The following WWOX variants were observed in gnomAD, a reference collection of about 807,000 sequenced individuals.
The protein encoded by WWOX is WW domain-containing oxidoreductase.
WWOX carries 69 observed loss-of-function variants against 46.2 expected under a neutral mutation model. The ratio of observed to expected loss-of-function variants is 1.49; its 90% CI spans 1.23 to 1.82. WWOX has a LOEUF of 1.82. WWOX is among the 40% of genes most tolerant of loss of function. The probability of loss-of-function intolerance (pLI) is 0.00; values close to 1 mark genes in which losing one functional copy is unlikely to be tolerated. For missense variants in WWOX, 919 were observed against 542.6 expected, an observed-to-expected ratio of 1.69 and a Z score of -6.89; for synonymous variants, 359 against 202.6, an observed-to-expected ratio of 1.77 and a Z score of -6.56.
chr16:78,979,135 C>T (rs4888001), intron 8 of WWOX, among the ~76,000 whole-genome samples: 32,095 of 148,592 alleles, frequency 0.22, 3,537 homozygotes, highest in East Asian at 0.33. Flanking sequence ...ATTTTCCTCT[C>T]GAATATCACT....
chr16:78,942,956 A>T (rs9921744), intron 8 of WWOX, among the ~76,000 whole-genome samples: 33,151 of 152,098 alleles, frequency 0.22, 5,710 homozygotes, highest in African/African-American at 0.48. Context: ...TTTGCAAGTA[A>T]ATAATGCAGC....
chr16:78,771,773 CAATAAATAAATAAATA>C (rs60862470), intron 8 of WWOX, among the ~76,000 whole-genome samples: 49 of 144,484 alleles, frequency 3.4e-4, no homozygotes, highest in African/African-American at 5.4e-4. Context: ...CTCTGTCTCA[CAATAAATAAATAAATA>C]AATAAATAAA....
At chr16:78,847,526 G>A (rs1275073898) in intron 8 of WWOX, among the ~76,000 whole-genome samples, 1 of 151,836 alleles carries the variant, frequency 6.6e-6, no homozygotes, top group Admixed American at 6.6e-5. Context: ...GGAGAGCAGG[G>A]TCTTGCTATG....
chr16:79,202,095 G>A (rs563378245), intron 8 of WWOX, among the ~76,000 whole-genome samples: 12 of 152,204 alleles, frequency 7.9e-5, no homozygotes, highest in Middle Eastern at 3.4e-3. Flanking sequence ...ATACAGACAC[G>A]TTCATTTGGG....
chr16:78,262,766 G>A (rs894537495), intron 5 of WWOX, among the ~76,000 whole-genome samples: 1 of 152,172 alleles, frequency 6.6e-6, no homozygotes, highest in African/African-American at 2.4e-5. Context: ...GGACTGCTAA[G>A]ACTCGGATCT....
chr16:78,325,811 G>A (rs1416933499), intron 5 of WWOX, among the ~76,000 whole-genome samples: 1 of 152,224 alleles, frequency 6.6e-6, no homozygotes, highest in Non-Finnish European at 1.5e-5. Flanking sequence ...GGAGTTAAGG[G>A]TTTGTTTGCT....
At chr16:78,557,994 G>A (rs921672021) in intron 8 of WWOX, among the ~76,000 whole-genome samples, 4 of 152,114 alleles carry the variant, frequency 2.6e-5, no homozygotes, top group African/African-American at 9.7e-5. Flanking sequence ...TTTCTACACT[G>A]CTGCTTTTTC....
At chr16:79,080,008 C>G (rs34637423) in intron 8 of WWOX, among the ~76,000 whole-genome samples, 2 of 152,142 alleles carry the variant, frequency 1.3e-5, no homozygotes, top group African/African-American at 2.4e-5. Context: ...TTATTTCTTA[C>G]GATACCACGC....
At chr16:79,116,657 C>T (rs1025144118) in intron 8 of WWOX, among the ~76,000 whole-genome samples, 2 of 152,092 alleles carry the variant, frequency 1.3e-5, no homozygotes, top group Non-Finnish European at 2.9e-5. Flanking sequence ...CTTGAAGGGG[C>T]TCAAGACTTA....
chr16:79,180,355 G>A (rs1428617391), intron 8 of WWOX, among the ~76,000 whole-genome samples: 2 of 152,216 alleles, frequency 1.3e-5, no homozygotes, highest in East Asian at 3.9e-4. Context: ...GATCAATAGT[G>A]ATTTGAATAC....
At chr16:78,623,006 G>C (rs974772571) in intron 8 of WWOX, among the ~76,000 whole-genome samples, 1 of 152,004 alleles carries the variant, frequency 6.6e-6, no homozygotes, top group Non-Finnish European at 1.5e-5. Flanking sequence ...AGAAAATGAG[G>C]ACATTAGTCC....
intron 5 of WWOX, among the ~76,000 whole-genome samples, chr16:78,342,744 A>G (rs1567513193): frequency 8.3e-6 from 1 of 120,540 alleles, no homozygotes; most frequent in African/African-American, 2.8e-5. Context: ...ACTCCCAAAA[A>G]TTGCAGGTTT....
chr16:78,135,078 C>G (rs2033741216), intron 4 of WWOX, among the ~76,000 whole-genome samples: 1 of 152,196 alleles, frequency 6.6e-6, no homozygotes, highest in South Asian at 2.1e-4. Context: ...ACAGACAAAC[C>G]TGACTCCCAC....
chr16:78,561,665 AAG>A (rs2044439868), intron 8 of WWOX, among the ~76,000 whole-genome samples: 1 of 152,188 alleles, frequency 6.6e-6, no homozygotes, highest in Non-Finnish European at 1.5e-5. Flanking sequence ...ATATAAAAGA[AAG>A]GGGGTAATTG....
chr16:79,057,241 C>T (rs1342101768), intron 8 of WWOX, among the ~76,000 whole-genome samples: 1 of 152,122 alleles, frequency 6.6e-6, no homozygotes, highest in African/African-American at 2.4e-5. Flanking sequence ...GGATACATCA[C>T]CAGTCTTCCA....
intron 8 of WWOX, among the ~76,000 whole-genome samples, chr16:79,121,489 C>T (rs566532162): frequency 6.6e-6 from 1 of 152,260 alleles, no homozygotes; most frequent in South Asian, 2.1e-4. Flanking sequence ...GGTTTCTGTT[C>T]GGCTCTGTTT....
chr16:78,214,700 C>G (rs753825316), intron 5 of WWOX, among the ~76,000 whole-genome samples: 1 of 152,138 alleles, frequency 6.6e-6, no homozygotes, highest in Non-Finnish European at 1.5e-5. Flanking sequence ...ACCTTAATGC[C>G]CAGCAACGCT....
chr16:78,254,502 G>GTTTTTTGTTTTTTT (rs2038073044), intron 5 of WWOX, among the ~76,000 whole-genome samples: 1 of 91,648 alleles, frequency 1.1e-5, no homozygotes, highest in Non-Finnish European at 1.9e-5. Flanking sequence ...TTTCTTTCTT[G>GTTTTTTGTTTTTTT]TTTTTTTTTT....
intron 8 of WWOX, among the ~76,000 whole-genome samples, chr16:78,776,033 A>G (rs1440728861): frequency 6.6e-6 from 1 of 152,200 alleles, no homozygotes; most frequent in African/African-American, 2.4e-5. Context: ...TGTTCCAAAG[A>G]TGGTCTTAAA....
Sources: allele counts gnomAD v4.1 joint callset (sites outside exome capture counted in the v4.1 genomes callset), GRCh38; gene constraint gnomAD v4.1.1; transcripts MANE v1.5; gene names NCBI Gene and HGNC (gene_info 2026-07-23, HGNC 2026-07-21).